CHD9: variants seen among roughly 807,000 people sequenced by gnomAD.
CHD9 encodes ATP-dependent chromatin remodeler CHD9.
CHD9 carries 77 observed loss-of-function variants against 316.1 expected under a neutral mutation model. The ratio of observed to expected loss-of-function variants is 0.24; its 90% CI spans 0.20 to 0.29. The LOEUF (loss-of-function observed/expected upper bound fraction) is 0.29, where lower values mean the gene tolerates loss of function less well. CHD9 is among the 10% of genes least tolerant of loss of function. CHD9 has a pLI of 1.00. For missense variants in CHD9, 2,763 were observed against 3,438.1 expected (o/e 0.80, Z 4.91); for synonymous variants, 1,129 against 1,158.3 (o/e 0.97, Z 0.51).
intron 2 of CHD9, among the ~76,000 whole-genome samples, chr16:53,180,346 C>T (rs1364040972): frequency 2.0e-5 from 3 of 152,094 alleles, no homozygotes; most frequent in Admixed American, 6.5e-5. Flanking sequence ...TTAGTTTTTC[C>T]TTCTGGGAAA....
intron 2 of CHD9, among the ~76,000 whole-genome samples, chr16:53,193,846 A>G (rs974792792): frequency 2.6e-5 from 4 of 152,214 alleles, no homozygotes; most frequent in African/African-American, 9.6e-5. Context: ...AAACTGTGCT[A>G]AACATCGGCT....
chr16:53,222,825 T>C (rs1158177778), intron 4 of CHD9, 70 bp downstream of exon 4: 13 of 727,964 alleles, frequency 1.8e-5, no homozygotes, highest in Non-Finnish European at 2.8e-5. Context: ...TATTGCCTTA[T>C]AGATATTTAC....
intron 34 of CHD9, among the ~76,000 whole-genome samples, chr16:53,313,175 G>A (rs2153098700): frequency 6.6e-6 from 1 of 151,984 alleles, no homozygotes; most frequent in Admixed American, 6.6e-5. Context: ...AAAGTTACTG[G>A]TATCTTAAAG....
chr16:53,197,300 A>G (rs8058044), intron 2 of CHD9, among the ~76,000 whole-genome samples: 1 of 152,162 alleles, frequency 6.6e-6, no homozygotes, highest in African/African-American at 2.4e-5. Flanking sequence ...CAAACATTGC[A>G]CAAATGTTAA....
At chr16:53,073,782 C>T (rs1230424397) in intron 1 of CHD9, among the ~76,000 whole-genome samples, 1 of 152,198 alleles carries the variant, frequency 6.6e-6, no homozygotes, top group Admixed American at 6.5e-5. Flanking sequence ...AATTCTGAGG[C>T]CTCCTCAGCC....
At chr16:53,189,715 A>C (rs1466060354) in intron 2 of CHD9, among the ~76,000 whole-genome samples, 1 of 152,076 alleles carries the variant, frequency 6.6e-6, no homozygotes, top group Non-Finnish European at 1.5e-5. Flanking sequence ...AATTGCATTA[A>C]ACTGAACAAT....
intron 1 of CHD9, among the ~76,000 whole-genome samples, chr16:53,118,836 A>G (rs1329360432): frequency 6.9e-6 from 1 of 145,472 alleles, no homozygotes; most frequent in African/African-American, 2.5e-5. Context: ...TCTGTTGCCA[A>G]GACTGGAGTG....
chr16:53,117,935 C>T (rs2038441689), intron 1 of CHD9, among the ~76,000 whole-genome samples: 1 of 151,696 alleles, frequency 6.6e-6, no homozygotes, highest in Admixed American at 6.6e-5. Context: ...ATGACATTCT[C>T]CTGCCTCAGC....
intron 1 of CHD9, among the ~76,000 whole-genome samples, chr16:53,084,267 C>T (rs1216143262): frequency 2.0e-5 from 3 of 152,200 alleles, no homozygotes; most frequent in African/African-American, 7.2e-5. Flanking sequence ...TCACTTAATT[C>T]TTCTATGGGC....
At chr16:53,291,876 TTTA>T (rs1008836150) in intron 28 of CHD9, 109 bp downstream of exon 28, 9 of 633,472 alleles carry the variant, frequency 1.4e-5, no homozygotes, top group Non-Finnish European at 1.0e-5. Context: ...TATAAAAATT[TTTA>T]TTGACTGCCA....
intron 32 of CHD9, 130 bp from the exon 33 acceptor site, chr16:53,307,551 G>A (rs774957484): frequency 9.9e-5 from 73 of 736,998 alleles, no homozygotes; most frequent in Middle Eastern, 3.9e-4. Context: ...ATATATACAC[G>A]AGAATATGTA....
chr16:53,060,987 A>T (rs1002316795), intron 1 of CHD9, among the ~76,000 whole-genome samples: 9 of 138,132 alleles, frequency 6.5e-5, no homozygotes, highest in African/African-American at 2.5e-4. Flanking sequence ...GTGAAATGGC[A>T]TGATCTCAGC....
At chr16:53,316,561 A>G (rs1021296774) in intron 36 of CHD9, among the ~76,000 whole-genome samples, 40 of 152,172 alleles carry the variant, frequency 2.6e-4, no homozygotes, top group Non-Finnish European at 4.4e-5. Flanking sequence ...CATATTTTTA[A>G]GGGCAGCATT....
chr16:53,277,404 C>T (rs767718650), intron 24 of CHD9, among the ~76,000 whole-genome samples: 4 of 152,096 alleles, frequency 2.6e-5, no homozygotes, highest in Non-Finnish European at 5.9e-5. Context: ...AAAAGATAAT[C>T]CACCATGATC....
At chr16:53,215,302 T>A (rs2046665526) in intron 3 of CHD9, among the ~76,000 whole-genome samples, 1 of 152,248 alleles carries the variant, frequency 6.6e-6, no homozygotes, top group Non-Finnish European at 1.5e-5. Context: ...TCCTTATTTC[T>A]TACTTACATT....
intron 2 of CHD9, among the ~76,000 whole-genome samples, chr16:53,178,833 G>A (rs2043273607): frequency 6.6e-6 from 1 of 152,094 alleles, no homozygotes; most frequent in African/African-American, 2.4e-5. Context: ...AGCTATATAT[G>A]TACTTGGGAT....
intron 38 of CHD9, among the ~76,000 whole-genome samples, chr16:53,323,420 A>G (rs955918627): frequency 1.1e-4 from 17 of 152,188 alleles, no homozygotes; most frequent in African/African-American, 3.9e-4. Flanking sequence ...CCAGAAAATC[A>G]TGGGAGAATT....
chr16:53,055,494 G>GCCCCCC (rs3884211), intron 1 of CHD9, among the ~76,000 whole-genome samples: 1 of 145,790 alleles, frequency 6.9e-6, no homozygotes, highest in Non-Finnish European at 1.5e-5. Flanking sequence ...TTCCACCCCC[G>GCCCCCC]CCCCCCCCCA....
intron 2 of CHD9, among the ~76,000 whole-genome samples, chr16:53,189,437 T>C (rs1020155963): frequency 6.6e-6 from 1 of 152,008 alleles, no homozygotes; most frequent in African/African-American, 2.4e-5. Context: ...TTGTGATCAT[T>C]TTAGTTTTTA....
Sources: allele counts gnomAD v4.1 joint callset (sites outside exome capture counted in the v4.1 genomes callset), GRCh38; gene constraint gnomAD v4.1.1; transcripts MANE v1.5; gene names NCBI Gene and HGNC (gene_info 2026-07-23, HGNC 2026-07-21).